The following TMEM229B variants were observed in gnomAD, a reference collection of about 807,000 sequenced individuals.
The protein encoded by TMEM229B is chromosome 14 open reading frame 83.
A neutral mutation model predicts 13.7 loss-of-function variants in TMEM229B; 6 were observed. The ratio of observed to expected loss-of-function variants is 0.44; its 90% CI spans 0.24 to 0.86. The LOEUF is 0.86. TMEM229B is among the 40% of genes least tolerant of loss of function. The pLI is 0.23. For missense variants in TMEM229B, 170 were observed against 236.0 expected, an observed-to-expected ratio of 0.72 and a Z score of 1.83; for synonymous variants, 107 against 102.1, an observed-to-expected ratio of 1.05 and a Z score of -0.29.
rs563485196 is a variant in TMEM229B, at chr14:67,527,181, G to A, written c.-192+6455C>T. Among the ~76,000 whole-genome samples the A allele has an allele frequency of 1.1e-4, 17 of 152,312 alleles. No individual in the cohort carries two copies. In the East Asian group the frequency reaches 2.7e-3, roughly 24 times the overall value. ...AGGCAAGACCTGAGTGGCTAAAGGCGTGGTCTTTAGAGTCAGGCAGGGCAG... is the reference window on the plus strand; with the variant it reads ...AGGCAAGACCTGAGTGGCTAAAGGCATGGTCTTTAGAGTCAGGCAGGGCAG... On this transcript the variant is annotated intron_variant, in intron 1 of 2. Coordinates refer to the TMEM229B transcript ENST00000554278.
intron 1 of TMEM229B, among the ~76,000 whole-genome samples, chr14:67,487,998 T>C (rs1211365962): frequency 6.6e-6 from 1 of 152,228 alleles, no homozygotes; most frequent in African/African-American, 2.4e-5. Context: ...ATTTTTTGTT[T>C]TAATATGAAA....
At chr14:67,524,646 G>A (rs2033340259) in intron 1 of TMEM229B, among the ~76,000 whole-genome samples, 2 of 152,184 alleles carry the variant, frequency 1.3e-5, no homozygotes, top group Non-Finnish European at 2.9e-5. Flanking sequence ...GCTTGAATTA[G>A]AAGTAGGGAC....
At chr14:67,508,358 T>C (rs1323006828) in intron 1 of TMEM229B, among the ~76,000 whole-genome samples, 1 of 152,072 alleles carries the variant, frequency 6.6e-6, no homozygotes, top group Non-Finnish European at 1.5e-5. Flanking sequence ...TCATCTAGCA[T>C]TATTACCTGA....
chr14:67,491,699 C>T (rs938013545), upstream of TMEM229B, among the ~76,000 whole-genome samples: 2 of 152,190 alleles, frequency 1.3e-5, no homozygotes, highest in Non-Finnish European at 2.9e-5. Context: ...GCCCCCAGTT[C>T]TTCTCACGTG....
chr14:67,531,267 A>T (rs1189553852), intron 1 of TMEM229B, among the ~76,000 whole-genome samples: 1 of 152,166 alleles, frequency 6.6e-6, no homozygotes, highest in Non-Finnish European at 1.5e-5. Flanking sequence ...CAACAGAGCA[A>T]GATCTTATCT....
upstream of TMEM229B, among the ~76,000 whole-genome samples, chr14:67,492,047 A>T (rs2032191656): frequency 6.6e-6 from 1 of 151,780 alleles, no homozygotes. Context: ...CTTCTGTCTC[A>T]CTTGGAGGCC....
chr14:67,528,951 G>A (rs1295142793), intron 1 of TMEM229B, among the ~76,000 whole-genome samples: 2 of 152,040 alleles, frequency 1.3e-5, no homozygotes, highest in Non-Finnish European at 2.9e-5. Flanking sequence ...TGGAATCACT[G>A]CCCACCTCCT....
intron 1 of TMEM229B, among the ~76,000 whole-genome samples, chr14:67,498,531 A>C (rs922705793): frequency 1.3e-5 from 2 of 152,250 alleles, no homozygotes; most frequent in Admixed American, 1.3e-4. Flanking sequence ...ACTAAATAAA[A>C]GACAGGGCTA....
intron 1 of TMEM229B, among the ~76,000 whole-genome samples, chr14:67,508,769 A>AAAAAAAAAAAAAAAAAAAC (rs1208839015): frequency 1.3e-5 from 2 of 151,002 alleles, no homozygotes; most frequent in Non-Finnish European, 1.5e-5. Flanking sequence ...AAAAAAAAAA[A>AAAAAAAAAAAAAAAAAAAC]AACAGAAGAC....
intron 2 of TMEM229B, among the ~76,000 whole-genome samples, chr14:67,475,046 G>C (rs139878897): frequency 6.6e-6 from 1 of 151,580 alleles, no homozygotes; most frequent in East Asian, 1.9e-4. Flanking sequence ...CTCCTGAGTA[G>C]CTGGGACTAC....
At chr14:67,496,395 T>G (rs1214997215) in intron 1 of TMEM229B, among the ~76,000 whole-genome samples, 2 of 92,530 alleles carry the variant, frequency 2.2e-5, no homozygotes, top group Non-Finnish European at 4.5e-5. Flanking sequence ...TCCGGCGTTT[T>G]TTTTTTTTTT....
upstream of TMEM229B, among the ~76,000 whole-genome samples, chr14:67,517,653 T>A (rs1555399): frequency 0.42 from 63,233 of 151,784 alleles, 13,708 homozygotes; most frequent in Non-Finnish European, 0.48. Context: ...CTTAACTCCA[T>A]GACCTGGGTT....
chr14:67,497,374 C>T (rs996015921), intron 1 of TMEM229B, among the ~76,000 whole-genome samples: 1 of 152,034 alleles, frequency 6.6e-6, no homozygotes, highest in East Asian at 1.9e-4. Flanking sequence ...TAGCGCAGGC[C>T]GAGAACGCAG....
At chr14:67,532,076 T>C (rs2033477403) in intron 1 of TMEM229B, among the ~76,000 whole-genome samples, 1 of 152,186 alleles carries the variant, frequency 6.6e-6, no homozygotes. Context: ...CCACGAGCTA[T>C]AAAGCTGTTT....
At chr14:67,505,280 C>T (rs1466657717) in intron 1 of TMEM229B, among the ~76,000 whole-genome samples, 1 of 152,120 alleles carries the variant, frequency 6.6e-6, no homozygotes, top group Non-Finnish European at 1.5e-5. Context: ...TGATATCTCA[C>T]CCTGTCCCCA....
At chr14:67,498,171 G>A (rs992432000) in intron 1 of TMEM229B, among the ~76,000 whole-genome samples, 3 of 152,022 alleles carry the variant, frequency 2.0e-5, no homozygotes, top group Non-Finnish European at 4.4e-5. Flanking sequence ...CTCTGTTCCC[G>A]ATCCATTCAT....
In TMEM229B at chr14:67,479,059, C is replaced by A. The variant is rs142518464; in HGVS notation, c.-18-5118G>T. The stretch of plus-strand genomic sequence containing the variant: ...TTTTTTCTTTATATTTTTCTGCATA[C>A]TTTTTTTTCCTAACAAGCATGTATA... On this transcript the variant is annotated intron_variant, in intron 2 of 2. Coordinates refer to ENST00000554480, the MANE Select transcript of TMEM229B (RefSeq NM_001348543.2). Among the ~76,000 whole-genome samples the A allele has an allele frequency of 2.6e-3, 394 of 152,170 alleles. 5 individuals are homozygous for A. In the East Asian group the frequency reaches 0.036, roughly 14 times the overall value.
At chr14:67,532,928 C>T (rs2033513418) in intron 1 of TMEM229B, among the ~76,000 whole-genome samples, 3 of 151,954 alleles carry the variant, frequency 2.0e-5, no homozygotes, top group Admixed American at 2.0e-4. Context: ...CCGGGGCGCT[C>T]TGGCCACCCC....
chr14:67,489,961 G>A (rs59566617), upstream of TMEM229B, among the ~76,000 whole-genome samples: 12,635 of 150,790 alleles, frequency 0.084, 746 homozygotes, highest in Middle Eastern at 0.14. Flanking sequence ...CTGCACTCCA[G>A]CCTGGGCGAC....
Sources: gnomAD v4.1 joint callset for allele counts (sites outside exome capture counted in the v4.1 genomes callset) on GRCh38, gnomAD v4.1.1 for gene constraint, MANE v1.5 for transcripts, NCBI Gene and HGNC (gene_info 2026-07-23, HGNC 2026-07-21) for gene names.